FYB1: variants seen among roughly 807,000 people sequenced by gnomAD.
FYB1 encodes the protein FYN-binding protein 1.
Under a neutral mutation model 94.1 loss-of-function variants are expected in FYB1, and 41 were observed. The ratio of observed to expected loss-of-function variants is 0.44; its 90% CI spans 0.34 to 0.57. The LOEUF is 0.57. Among genes scored for constraint, FYB1 ranks in the 20% least tolerant of loss-of-function variants. FYB1 has a pLI of 0.02. For missense variants in FYB1, 1,050 were observed against 976.8 expected (o/e 1.07, Z -1.00); for synonymous variants, 367 against 353.2 (o/e 1.04, Z -0.44).
At chr5:39,264,732 A>T (rs188678611) in intron 1 of FYB1, among the ~76,000 whole-genome samples, 1 of 152,158 alleles carries the variant, frequency 6.6e-6, no homozygotes, top group African/African-American at 2.4e-5. Flanking sequence ...TTTCAGTTTC[A>T]TTGGTTTCGG....
In FYB1 at chr5:39,124,276, A is replaced by G. The variant is rs1280114725; in HGVS notation, c.2048T>C (p.Phe683Ser). ...SDSDNNEGSS[F>S]PAPPKQLDMG... is the part of the protein sequence containing the mutation. ...ACCCAATTGTTTAGGAGGAGCAGGG[A>G]AACTACAAAGAAAGTGAGAACACAA... Residue 683 changes from phenylalanine to serine, a missense_variant and splice_region_variant, in exon 13 of 19, where the codon TTC (phenylalanine) becomes TCC (serine). Phe to Ser is a radical substitution (Grantham distance 155, BLOSUM62 -2). Coordinates refer to ENST00000512982, the MANE Select transcript of FYB1 (RefSeq NM_001465.6). 4 of 1,554,012 alleles carry G rather than the reference A, an allele frequency of 2.6e-6. No individual in the cohort carries two copies. Among genetic ancestry groups the G allele is most frequent in the Middle Eastern group, 1.7e-4 (1 of 5,912 alleles).
chr5:39,190,535 A>G (rs1747262731), intron 2 of FYB1, among the ~76,000 whole-genome samples: 1 of 152,158 alleles, frequency 6.6e-6, no homozygotes, highest in African/African-American at 2.4e-5. Context: ...CCCGAGAACA[A>G]CTAATTTCTC....
At chr5:39,218,140 A>G (rs1750020429) in intron 1 of FYB1, among the ~76,000 whole-genome samples, 1 of 152,236 alleles carries the variant, frequency 6.6e-6, no homozygotes, top group Admixed American at 6.5e-5. Context: ...GTGGATTTCA[A>G]CCTTTACAAT....
chr5:39,118,387 T>A (rs1739762120), intron 16 of FYB1, among the ~76,000 whole-genome samples: 1 of 152,192 alleles, frequency 6.6e-6, no homozygotes, highest in African/African-American at 2.4e-5. Flanking sequence ...TCTGTATAAT[T>A]TGATATTCTC....
rs138683787 is a variant in FYB1 at position 39,239,826 on chromosome 5, G to T, written c.-28+34577C>A. ...GAAAAACTATTTTAAAATTCACATGGAACCAAAAAAGAGCCCAAATAGCCA... is the reference window on the plus strand; with the variant it reads ...GAAAAACTATTTTAAAATTCACATGTAACCAAAAAAGAGCCCAAATAGCCA... On this transcript the variant is annotated intron_variant, in intron 1 of 1. Coordinates refer to the FYB1 transcript ENST00000510188. Among the ~76,000 whole-genome samples the T allele has an allele frequency of 7.7e-3, 1,170 of 152,140 alleles. 25 individuals carry two copies. The highest frequency in any genetic ancestry group is 0.027 in the African/African-American group (1,111 of 41,526).
intron 18 of FYB1, 92 bp from the exon 19 acceptor site, chr5:39,107,557 C>A: frequency 1.3e-6 from 1 of 748,942 alleles, no homozygotes; most frequent in Non-Finnish European, 2.1e-6. Flanking sequence ...TCATACTCTC[C>A]TGGTTAAGGA....
intron 2 of FYB1, among the ~76,000 whole-genome samples, chr5:39,174,932 C>T (rs1458918754): frequency 6.6e-6 from 1 of 152,200 alleles, no homozygotes; most frequent in East Asian, 1.9e-4. Context: ...GAGACCTCTT[C>T]TCCCATAGAG....
chr5:39,110,990 C>T lies in FYB1; in HGVS notation c.2402-601G>A, dbSNP rs1482189032. Reference sequence around the variant, plus strand: ...GACAGTATCAACATTTGCATTTCATCACTCATGGAGCAAAAGCATTATTGG... The same window carrying T: ...GACAGTATCAACATTTGCATTTCATTACTCATGGAGCAAAAGCATTATTGG... On this transcript the variant is annotated intron_variant, in intron 16 of 18. Coordinates refer to ENST00000512982, the MANE Select transcript of FYB1 (RefSeq NM_001465.6). Among the ~76,000 whole-genome samples the T allele has an allele frequency of 2.0e-5, 3 of 151,940 alleles. No individual in the cohort carries two copies. The East Asian group carries it at 5.8e-4, about 29-fold the overall frequency.
rs181113530 is a variant in FYB1, at chr5:39,245,343, A to C, written c.-28+29060T>G. On this transcript the variant is annotated intron_variant, in intron 1 of 1. Coordinates refer to the FYB1 transcript ENST00000510188. ...GTGTGGGTGTGTGTGCATCTTTTGC[A>C]GTCTGAGGTGGAAGGAATAGAGAAT... Among the ~76,000 whole-genome samples the C allele has an allele frequency of 2.0e-3, 302 of 152,296 alleles. 1 individual carries two copies. The highest frequency in any genetic ancestry group is 2.9e-3 in the Admixed American group (45 of 15,304).
chr5:39,232,069 T>C (rs955510762), intron 1 of FYB1, among the ~76,000 whole-genome samples: 4 of 152,058 alleles, frequency 2.6e-5, no homozygotes, highest in African/African-American at 9.7e-5. Flanking sequence ...AATAGGTCAA[T>C]GTAGAACAAT....
intron 1 of FYB1, among the ~76,000 whole-genome samples, chr5:39,218,240 A>G (rs1186632774): frequency 6.6e-6 from 1 of 152,222 alleles, no homozygotes; most frequent in East Asian, 1.9e-4. Context: ...GTGCACCATA[A>G]CGCCTTTGAT....
At chr5:39,133,992 A>G (rs1381165175) in intron 9 of FYB1, among the ~76,000 whole-genome samples, 1 of 152,206 alleles carries the variant, frequency 6.6e-6, no homozygotes, top group Admixed American at 6.5e-5. Flanking sequence ...CAAATGGCCC[A>G]CTATATTTCA....
intron 3 of FYB1, 88 bp downstream of exon 3, chr5:39,153,360 C>T (rs1466041492): frequency 2.9e-5 from 44 of 1,510,132 alleles, no homozygotes; most frequent in Non-Finnish European, 9.2e-6. Context: ...AGAAGTTTCC[C>T]ATGGAACTCT....
At chr5:39,215,589 T>A (rs1749797863) in intron 1 of FYB1, among the ~76,000 whole-genome samples, 1 of 152,154 alleles carries the variant, frequency 6.6e-6, no homozygotes, top group South Asian at 2.1e-4. Context: ...CATCCTGTGG[T>A]GTATTCAGAA....
chr5:39,176,187 G>A (rs1745717897), intron 2 of FYB1, among the ~76,000 whole-genome samples: 2 of 118,548 alleles, frequency 1.7e-5, no homozygotes, highest in African/African-American at 6.6e-5. Flanking sequence ...GTCTCACTCT[G>A]TCGCCCAGAC....
At chr5:39,148,991 T>C (rs781709941) in intron 3 of FYB1, among the ~76,000 whole-genome samples, 2 of 152,238 alleles carry the variant, frequency 1.3e-5, no homozygotes, top group African/African-American at 2.4e-5. Context: ...CTAAAAGGTG[T>C]TGATTTGAAC....
chr5:39,237,117 T>C (rs1750998835), intron 1 of FYB1, among the ~76,000 whole-genome samples: 1 of 152,106 alleles, frequency 6.6e-6, no homozygotes, highest in African/African-American at 2.4e-5. Flanking sequence ...TCTCTTTTCC[T>C]TGAAATCCCG....
At chr5:39,217,409 C>CTTTCCACTGCGCTAT (rs1190707672) in intron 1 of FYB1, among the ~76,000 whole-genome samples, 7 of 152,190 alleles carry the variant, frequency 4.6e-5, no homozygotes, top group Admixed American at 1.3e-4. Flanking sequence ...ATCCTCTGAG[C>CTTTCCACTGCGCTAT]TTTCCACTGC....
At chr5:39,260,249 T>C (rs1390449298) in intron 1 of FYB1, among the ~76,000 whole-genome samples, 1 of 151,700 alleles carries the variant, frequency 6.6e-6, no homozygotes, top group African/African-American at 2.4e-5. Flanking sequence ...TTGGCAACTA[T>C]AGCTTGTTGG....
Sources: gnomAD v4.1 joint callset for allele counts (sites outside exome capture counted in the v4.1 genomes callset) on GRCh38, gnomAD v4.1.1 for gene constraint, MANE v1.5 for transcripts, NCBI Gene and HGNC (gene_info 2026-07-23, HGNC 2026-07-21) for gene names.